Variants in ITPR2 observed in about 807,000 individuals in gnomAD.
ITPR2 encodes the protein inositol 1,4,5-trisphosphate-gated calcium channel ITPR2.
Under a neutral mutation model 317.1 loss-of-function variants are expected in ITPR2, and 207 were observed. The ratio of observed to expected loss-of-function variants is 0.65; its 90% CI spans 0.58 to 0.73. ITPR2 has a LOEUF of 0.73. Ranked by LOEUF, ITPR2 falls within the 30% of genes least tolerant of loss-of-function variation. The pLI, the probability that ITPR2 is intolerant of heterozygous loss-of-function variation, is 0.00. For missense variants in ITPR2, 2,613 were observed against 3,284.0 expected, an observed-to-expected ratio of 0.80 and a Z score of 4.99; for synonymous variants, 1,156 against 1,149.1, an observed-to-expected ratio of 1.01 and a Z score of -0.12.
intron 45 of ITPR2, among the ~76,000 whole-genome samples, chr12:26,459,394 G>A (rs143130376): frequency 3.7e-4 from 56 of 152,306 alleles, no homozygotes; most frequent in African/African-American, 5.1e-4. Context: ...GCATTCTGGC[G>A]TGTGTCTGCT....
intron 2 of ITPR2, among the ~76,000 whole-genome samples, chr12:26,750,515 G>A (rs1949395886): frequency 6.6e-6 from 1 of 152,188 alleles, no homozygotes; most frequent in Non-Finnish European, 1.5e-5. Flanking sequence ...ATACTTGATG[G>A]TGACTTGTTA....
At chr12:26,810,230 GTTT>G (rs1390495078) in intron 1 of ITPR2, among the ~76,000 whole-genome samples, 2 of 152,144 alleles carry the variant, frequency 1.3e-5, no homozygotes, top group African/African-American at 4.8e-5. Context: ...TCCTTTTTTA[GTTT>G]TCTTATAAAG....
intron 8 of ITPR2, among the ~76,000 whole-genome samples, chr12:26,712,659 A>G (rs1285778116): frequency 6.7e-6 from 1 of 149,986 alleles, no homozygotes; most frequent in Non-Finnish European, 1.5e-5. Context: ...ACACACACAC[A>G]CACACACACA....
chr12:26,525,668 G>C (rs1351676878), intron 37 of ITPR2, among the ~76,000 whole-genome samples: 1 of 152,130 alleles, frequency 6.6e-6, no homozygotes, highest in African/African-American at 2.4e-5. Context: ...AATAAGAACA[G>C]TATTCTAGAT....
intron 54 of ITPR2, among the ~76,000 whole-genome samples, chr12:26,395,168 A>G (rs1205601153): frequency 3.3e-5 from 5 of 152,132 alleles, no homozygotes; most frequent in Non-Finnish European, 7.4e-5. Flanking sequence ...AGGAGGACAG[A>G]GAGGAGACAA....
chr12:26,596,408 A>G (rs576022332), intron 31 of ITPR2, among the ~76,000 whole-genome samples: 1 of 152,272 alleles, frequency 6.6e-6, no homozygotes, highest in African/African-American at 2.4e-5. Context: ...ACACTTTGGG[A>G]GGCCGAGGCA....
intron 37 of ITPR2, among the ~76,000 whole-genome samples, chr12:26,517,977 C>T (rs1184353395): frequency 1.3e-5 from 2 of 152,176 alleles, no homozygotes; most frequent in African/African-American, 4.8e-5. Context: ...TCTCAGAGAA[C>T]TTAAAACAGA....
At chr12:26,595,696 C>T (rs1381106562) in intron 31 of ITPR2, 106 bp from the exon 32 acceptor site, 2 of 891,106 alleles carry the variant, frequency 2.2e-6, no homozygotes, top group African/African-American at 3.4e-5. Flanking sequence ...TATGGTAGAT[C>T]ATAGCATAGT....
intron 21 of ITPR2, among the ~76,000 whole-genome samples, chr12:26,644,876 T>C (rs550827712): frequency 6.6e-6 from 1 of 152,180 alleles, no homozygotes; most frequent in East Asian, 1.9e-4. Flanking sequence ...CAGTCTATGG[T>C]ATTTTTGTTA....
chr12:26,612,218 C>T (rs759422214), intron 26 of ITPR2, among the ~76,000 whole-genome samples: 1 of 151,176 alleles, frequency 6.6e-6, no homozygotes, highest in South Asian at 2.1e-4. Flanking sequence ...TTTTTTTCCC[C>T]TCACGCTTTT....
At chr12:26,642,417 T>A (rs1247631453) in intron 21 of ITPR2, among the ~76,000 whole-genome samples, 1 of 152,156 alleles carries the variant, frequency 6.6e-6, no homozygotes, top group African/African-American at 2.4e-5. Flanking sequence ...GTGGGTTTTT[T>A]GTGAAAGAAT....
intron 45 of ITPR2, among the ~76,000 whole-genome samples, 161 bp downstream of exon 45, chr12:26,475,135 T>C (rs777385317): frequency 1.3e-5 from 2 of 152,264 alleles, no homozygotes; most frequent in African/African-American, 2.4e-5. Flanking sequence ...TTGGGGTGCA[T>C]AGTCAGGCAT....
chr12:26,365,990 C>T (rs747476063), intron 55 of ITPR2, among the ~76,000 whole-genome samples: 1 of 152,092 alleles, frequency 6.6e-6, no homozygotes, highest in Non-Finnish European at 1.5e-5. Flanking sequence ...TAAAAAGGCA[C>T]CAGAAGAGAA....
chr12:26,770,114 C>G (rs1949813574), intron 2 of ITPR2, among the ~76,000 whole-genome samples: 1 of 152,196 alleles, frequency 6.6e-6, no homozygotes, highest in South Asian at 2.1e-4. Flanking sequence ...TAAGGATCAT[C>G]CTTTTCTCCA....
At chr12:26,707,626 G>C (rs1420443082) in intron 9 of ITPR2, among the ~76,000 whole-genome samples, 1 of 152,140 alleles carries the variant, frequency 6.6e-6, no homozygotes, top group East Asian at 1.9e-4. Context: ...CCACCTCCCA[G>C]GTTCAAGCAA....
chr12:26,371,494 T>C (rs889771924), intron 55 of ITPR2, among the ~76,000 whole-genome samples: 5 of 152,110 alleles, frequency 3.3e-5, no homozygotes, highest in Admixed American at 6.5e-5. Context: ...AGGCAAGTAA[T>C]TTGAGATAGT....
chr12:26,394,690 T>C (rs1939942654), intron 54 of ITPR2, among the ~76,000 whole-genome samples: 1 of 152,068 alleles, frequency 6.6e-6, no homozygotes, highest in Admixed American at 6.6e-5. Context: ...TGATGGCTTT[T>C]TGAGTAAGGA....
At chr12:26,453,665 AAAT>A (rs1288130993) in intron 45 of ITPR2, among the ~76,000 whole-genome samples, 1 of 152,186 alleles carries the variant, frequency 6.6e-6, no homozygotes, top group Non-Finnish European at 1.5e-5. Context: ...CCCACACAAG[AAAT>A]AATATGTTTT....
chr12:26,612,589 A>G (rs1946292774), intron 26 of ITPR2, among the ~76,000 whole-genome samples: 1 of 151,858 alleles, frequency 6.6e-6, no homozygotes, highest in South Asian at 2.1e-4. Flanking sequence ...CCTTATATTA[A>G]TTCATTATAT....
Sources: gnomAD v4.1 joint callset for allele counts (sites outside exome capture counted in the v4.1 genomes callset) on GRCh38, gnomAD v4.1.1 for gene constraint, MANE v1.5 for transcripts, NCBI Gene and HGNC (gene_info 2026-07-23, HGNC 2026-07-21) for gene names.